The following ANKIB1 variants were observed in gnomAD, a reference collection of about 807,000 sequenced individuals.
ANKIB1 encodes ankyrin repeat and IBR domain containing 1, also known as ankyrin repeat and IBR domain-containing protein 1.
In ANKIB1, 43 loss-of-function variants were observed where a neutral mutation model predicts 122.1. The observed-to-expected ratio is 0.35, with a 90% CI of 0.28 to 0.45. The LOEUF (loss-of-function observed/expected upper bound fraction) is 0.45, where lower values mean the gene tolerates loss of function less well. Among genes scored for constraint, ANKIB1 ranks in the 20% least tolerant of loss-of-function variants. The pLI, the probability that ANKIB1 is intolerant of heterozygous loss-of-function variation, is 1.00. For synonymous variants in ANKIB1, 390 were observed against 442.0 expected (o/e 0.88, Z 1.48); for missense variants, 992 against 1,329.5 (o/e 0.75, Z 3.95).
At chr7:92,293,676 T>A (rs750556023) in intron 1 of ANKIB1, among the ~76,000 whole-genome samples, 1 of 152,248 alleles carries the variant, frequency 6.6e-6, no homozygotes, top group Non-Finnish European at 1.5e-5. Context: ...TAATTATCTG[T>A]TCTTTTCAGG....
intron 11 of ANKIB1, among the ~76,000 whole-genome samples, chr7:92,379,420 G>A (rs79669705): frequency 0.024 from 3,680 of 152,164 alleles, 160 homozygotes; most frequent in African/African-American, 0.085. Flanking sequence ...GTTATACGGC[G>A]GGATTAAGGG....
chr7:92,363,777 A>T (rs1179014406), intron 10 of ANKIB1, among the ~76,000 whole-genome samples: 1 of 152,154 alleles, frequency 6.6e-6, no homozygotes, highest in Non-Finnish European at 1.5e-5. Flanking sequence ...GGTCCTCAGC[A>T]TTTTAGATCT....
In ANKIB1 at chr7:92,397,824, C is replaced by T. The variant is rs758119702; in HGVS notation, c.2497C>T (p.Pro833Ser). ...CAGCTCTTCCCTGCGTGACTACACC[C>T]CTGCCAGTCGCTCTGAAAACCAGGA... is the stretch of plus-strand genomic sequence containing the variant. The part of the protein sequence containing the change: ...LHSSSLRDYT[P>S]ASRSENQDSL... Residue 833 changes from proline (P) to serine (S), a missense_variant, in exon 19 of 20, where the codon CCT becomes TCT. Transcript: ENST00000265742. 1.1e-5 allele frequency: 17 copies of T among 1,607,610 alleles called. No individual in the cohort carries two copies. The highest frequency in any genetic ancestry group is 1.0e-4 in the South Asian group (9 of 89,988).
At chr7:92,306,851 C>G (rs1296974527) in intron 2 of ANKIB1, among the ~76,000 whole-genome samples, 1 of 152,172 alleles carries the variant, frequency 6.6e-6, no homozygotes, top group Non-Finnish European at 1.5e-5. Context: ...GATTTAGTCT[C>G]AGGCTTACAT....
chr7:92,328,952 T>TAC (rs572059719), intron 5 of ANKIB1, among the ~76,000 whole-genome samples: 5 of 148,292 alleles, frequency 3.4e-5, no homozygotes, highest in African/African-American at 9.8e-5. Context: ...AATATATATA[T>TAC]ACACACACAC....
In ANKIB1 at chr7:92,295,043, A is replaced by G; in HGVS notation, c.65A>G (p.Gln22Arg). 6.2e-7 allele frequency: 1 copy of G among 1,604,764 alleles called. No homozygotes were observed. Among genetic ancestry groups the G allele is most frequent in the Non-Finnish European group, 8.5e-7 (1 of 1,175,578 alleles). ...AATGGTGATGAAAACCTGGCCTGCC[A>G]AATATATGAAAACAATCCTCAGCTA... ...LINGDENLACQIYENNPQLKE... is the reference protein window; with the variant it reads ...LINGDENLACRIYENNPQLKE... The change falls in exon 2 of 20, where the codon CAA becomes CGA. Residue 22 changes from glutamine to arginine, a missense_variant. By Grantham distance (43) the Gln-to-Arg change is conservative. Coordinates refer to ENST00000265742, the MANE Select transcript of ANKIB1 (RefSeq NM_019004.2).
intron 11 of ANKIB1, among the ~76,000 whole-genome samples, chr7:92,380,189 G>A (rs1332098045): frequency 6.6e-6 from 1 of 152,192 alleles, no homozygotes; most frequent in Non-Finnish European, 1.5e-5. Context: ...GCTGGGGGAG[G>A]GGCATCTGCC....
At chr7:92,330,102 A>T (rs893166624) in intron 5 of ANKIB1, among the ~76,000 whole-genome samples, 2 of 152,126 alleles carry the variant, frequency 1.3e-5, no homozygotes, top group African/African-American at 2.4e-5. Flanking sequence ...TTGTCCTTAG[A>T]CATCATTTCT....
intron 10 of ANKIB1, among the ~76,000 whole-genome samples, chr7:92,368,716 G>A (rs911745731): frequency 2.0e-5 from 3 of 149,662 alleles, no homozygotes; most frequent in South Asian, 2.1e-4. Flanking sequence ...GCGAGACTCC[G>A]TCTCAAAAAA....
intron 14 of ANKIB1, 85 bp downstream of exon 14, chr7:92,388,126 G>T: frequency 8.0e-7 from 1 of 1,249,300 alleles, no homozygotes; most frequent in Non-Finnish European, 1.1e-6. Context: ...GCCCTGAAAG[G>T]AATACATTAT....
At chr7:92,330,259 T>G (rs1054348415) in intron 5 of ANKIB1, among the ~76,000 whole-genome samples, 5 of 152,202 alleles carry the variant, frequency 3.3e-5, no homozygotes, top group African/African-American at 7.2e-5. Flanking sequence ...TTTATTTGCT[T>G]CTTTTCCTTT....
intron 1 of ANKIB1, among the ~76,000 whole-genome samples, chr7:92,257,443 A>T (rs1355361300): frequency 6.6e-6 from 1 of 152,212 alleles, no homozygotes; most frequent in Non-Finnish European, 1.5e-5. Flanking sequence ...TAAATAAAGA[A>T]TTGGTGGTTT....
intron 2 of ANKIB1, among the ~76,000 whole-genome samples, chr7:92,296,575 CTCTT>C (rs1435091743): frequency 6.6e-6 from 1 of 152,126 alleles, no homozygotes; most frequent in Non-Finnish European, 1.5e-5. Context: ...GGGAACCTCT[CTCTT>C]TTTAAAAAAC....
chr7:92,324,827 C>T (rs1197263502), intron 4 of ANKIB1, among the ~76,000 whole-genome samples: 1 of 152,178 alleles, frequency 6.6e-6, no homozygotes. Context: ...GTAAAATCCA[C>T]CTCTTATTTC....
At chr7:92,359,598 T>A (rs1261543805) in intron 9 of ANKIB1, among the ~76,000 whole-genome samples, 1 of 152,188 alleles carries the variant, frequency 6.6e-6, no homozygotes, top group Admixed American at 6.5e-5. Flanking sequence ...GTAATGGGAT[T>A]GCTGGGTCAA....
At chr7:92,338,736 A>G in intron 5 of ANKIB1, among the ~76,000 whole-genome samples, 2 of 149,878 alleles carry the variant, frequency 1.3e-5, no homozygotes, top group African/African-American at 2.4e-5. Flanking sequence ...ACATGGTGAA[A>G]CCCCATCTCT....
intron 11 of ANKIB1, among the ~76,000 whole-genome samples, chr7:92,376,223 A>G (rs1804376264): frequency 6.6e-6 from 1 of 152,192 alleles, no homozygotes; most frequent in Admixed American, 6.5e-5. Flanking sequence ...ATCCCGTAAC[A>G]AGAGTCAGCC....
At chr7:92,344,279 C>T (rs1438810685) in intron 6 of ANKIB1, among the ~76,000 whole-genome samples, 1 of 147,330 alleles carries the variant, frequency 6.8e-6, no homozygotes, top group Non-Finnish European at 1.5e-5. Flanking sequence ...ACCTCGGCTC[C>T]CTGCAACCTC....
At chr7:92,373,940 A>G (rs1241786009) in intron 11 of ANKIB1, among the ~76,000 whole-genome samples, 1 of 152,222 alleles carries the variant, frequency 6.6e-6, no homozygotes. Flanking sequence ...GATTCTGTAT[A>G]ACTGTATGCT....
Sources: gnomAD v4.1 joint callset for allele counts (sites outside exome capture counted in the v4.1 genomes callset) on GRCh38, gnomAD v4.1.1 for gene constraint, MANE v1.5 for transcripts, NCBI Gene and HGNC (gene_info 2026-07-23, HGNC 2026-07-21) for gene names.